The following ACTN2 variants were observed in gnomAD, a reference collection of about 807,000 sequenced individuals.
The protein encoded by ACTN2 is actinin alpha 2, also known as alpha-actinin-2.
ACTN2 carries 39 observed loss-of-function variants against 113.8 expected under a neutral mutation model. The ratio of observed to expected loss-of-function variants is 0.34; its 90% CI spans 0.27 to 0.45. ACTN2 has a LOEUF of 0.45. Among genes scored for constraint, ACTN2 ranks in the 20% least tolerant of loss-of-function variants. The pLI is 1.00. For missense variants in ACTN2, 992 were observed against 1,177.9 expected, an observed-to-expected ratio of 0.84 and a Z score of 2.31; for synonymous variants, 429 against 444.1, an observed-to-expected ratio of 0.97 and a Z score of 0.43.
chr1:236,707,997 C>G (rs998034397), intron 1 of ACTN2, among the ~76,000 whole-genome samples: 2 of 151,984 alleles, frequency 1.3e-5, no homozygotes, highest in African/African-American at 4.8e-5. Flanking sequence ...AGGTGTGAGC[C>G]ACCGCACTTG....
rs149269755 is a variant in ACTN2, at chr1:236,754,217, C to T, written c.1974+136C>T. On this transcript the variant is annotated intron_variant, in intron 16 of 20. Transcript: ENST00000366578. This position sits in a 1 kb window ranked among gnomAD's most constrained non-coding sequence, Gnocchi z 4.9. ...TGGGAGCACCGTTCTGTTATCACCC[C>T]GGCTTTATCTTTCAGCCCCTGGCTG... The T allele has an allele frequency of 0.019, 22,370 of 1,200,632 alleles. 262 individuals carry two copies. The highest frequency in any genetic ancestry group is 0.051 in the Middle Eastern group (190 of 3,698). The allele number at this position is 1,200,632 out of a possible 1,614,324, so 74.4% of individuals were successfully genotyped here. A position where few individuals can be genotyped will look rare whatever the true frequency, so the allele number is the denominator to read the frequency against.
At chr1:236,716,834 C>CCTT (rs1289656929) in intron 1 of ACTN2, among the ~76,000 whole-genome samples, 2 of 26,548 alleles carry the variant, frequency 7.5e-5, no homozygotes, top group African/African-American at 1.3e-4. Context: ...ACATTTTGAA[C>CCTT]ATTTTTTTTT....
intron 11 of ACTN2, among the ~76,000 whole-genome samples, chr1:236,743,379 G>A (rs1659130966): frequency 6.6e-6 from 1 of 152,122 alleles, no homozygotes; most frequent in Non-Finnish European, 1.5e-5. Flanking sequence ...ATAGCCCTGG[G>A]CCAACCACTA....
At chr1:236,734,784 A>C (rs1284661843) in intron 7 of ACTN2, among the ~76,000 whole-genome samples, 1 of 152,170 alleles carries the variant, frequency 6.6e-6, no homozygotes, top group African/African-American at 2.4e-5. Flanking sequence ...CTGCAAACCC[A>C]ATGACTAGGT....
rs1372348469 is a variant in ACTN2 at position 236,727,766 on chromosome 1, G to A, written c.615+10G>A. The A allele has an allele frequency of 1.9e-6, 3 of 1,613,886 alleles. No homozygotes were observed. Among genetic ancestry groups the A allele is most frequent in the Admixed American group, 1.7e-5 (1 of 59,984 alleles). On this transcript the variant is annotated intron_variant, in intron 6 of 20. Transcript: ENST00000366578. ...CTCAAAGCTTAACAAGGTTATTCTG[G>A]GTGGCCTGGCATGCAGTGTCCCCAG...
intron 20 of ACTN2, 95 bp downstream of exon 20, chr1:236,761,268 T>C: frequency 6.9e-7 from 1 of 1,450,230 alleles, no homozygotes; most frequent in Non-Finnish European, 9.6e-7. Flanking sequence ...ACCATTTTTA[T>C]GCCGGTGTAT....
chr1:236,735,742 G>T (rs2288600), intron 8 of ACTN2, 22 bp downstream of exon 8: 2 of 1,606,184 alleles, frequency 1.2e-6, no homozygotes. Context: ...TTGTCCGTCC[G>T]GGCTGTTGTG....
rs761887611 is a variant in ACTN2, at chr1:236,739,255, G to A, written c.877-47G>A. ...TCATTTTTTTTTTTTAACTGGGGGA[G>A]GGGGCTTGCTGGTGTCTTCAGCAGT... On this transcript the variant is annotated intron_variant, in intron 9 of 20. Coordinates refer to ENST00000366578, the MANE Select transcript of ACTN2 (RefSeq NM_001103.4). 5 of 1,581,252 alleles carry A rather than the reference G, an allele frequency of 3.2e-6. No homozygotes were observed. In the Admixed American group the frequency reaches 8.3e-5, roughly 26 times the overall value.
At chr1:236,741,510 T>C (rs1659066162) in intron 10 of ACTN2, among the ~76,000 whole-genome samples, 2 of 152,202 alleles carry the variant, frequency 1.3e-5, no homozygotes, top group Admixed American at 6.5e-5. Context: ...CCTAGTAAAT[T>C]CTATCACTGT....
chr1:236,702,974 C>T (rs889340128), intron 1 of ACTN2, among the ~76,000 whole-genome samples: 16 of 152,152 alleles, frequency 1.1e-4, no homozygotes, highest in Admixed American at 2.0e-4. Context: ...ATTTATTTTG[C>T]TGTCTGTGTA....
chr1:236,718,441 G>T (rs1199906237), intron 2 of ACTN2, among the ~76,000 whole-genome samples: 1 of 152,226 alleles, frequency 6.6e-6, no homozygotes, highest in Non-Finnish European at 1.5e-5. Context: ...CTTTGGAGAA[G>T]TGTGACTGGG....
At chr1:236,759,919 AT>A (rs1558251487) in intron 19 of ACTN2, 130 bp downstream of exon 19, 1 of 828,542 alleles carries the variant, frequency 1.2e-6, no homozygotes, top group Non-Finnish European at 2.0e-6. Context: ...ATAGGATAAT[AT>A]TTTTTGAAGG....
chr1:236,754,058 C>G lies in ACTN2; in HGVS notation c.1951C>G (p.Pro651Ala), dbSNP rs1416165135. Residue 651 changes from proline (P) to alanine (A), a missense_variant, in exon 16 of 21, where the codon CCC becomes GCC. Transcript: ENST00000366578. The surrounding 1 kb of genome is among the most constrained non-coding windows in gnomAD (Gnocchi z 4.9). ...QFAAQANAIG[P>A]WIQNKMEEIA... Reference sequence around the variant, plus strand: ...TGCTGCCCAAGCCAATGCCATTGGGCCCTGGATCCAGAACAAGATGGAGGT... The same window carrying G: ...TGCTGCCCAAGCCAATGCCATTGGGGCCTGGATCCAGAACAAGATGGAGGT... The G allele has an allele frequency of 6.2e-7, 1 of 1,614,090 alleles. No homozygotes were observed. The highest frequency in any genetic ancestry group is 1.1e-5 in the South Asian group (1 of 91,084).
Position 236,735,678 on chromosome 1 carries a change from G to A in ACTN2, c.741G>A (p.Thr247=), listed in dbSNP as rs777426844. 6 of 1,614,046 alleles carry A rather than the reference G, an allele frequency of 3.7e-6. No individual in the cohort carries two copies. Among genetic ancestry groups the A allele is most frequent in the Middle Eastern group, 3.3e-4 (2 of 6,084 alleles). Residue 247 remains threonine, a synonymous_variant, in exon 8 of 21, where the codon ACG becomes ACA. Coordinates refer to ENST00000366578, the MANE Select transcript of ACTN2 (RefSeq NM_001103.4). ...AACCCGATGAAAGAGCCATCATGACGTACGTCTCTTGCTTCTACCACGCTT... is the reference window on the plus strand; with the variant it reads ...AACCCGATGAAAGAGCCATCATGACATACGTCTCTTGCTTCTACCACGCTT... ...TPKPDERAIM[T]YVSCFYHAFA...
chr1:236,748,105 C>T (rs1009957018), intron 13 of ACTN2: 16 of 321,324 alleles, frequency 5.0e-5, no homozygotes, highest in Admixed American at 1.4e-4. Context: ...GTGAGTGAGT[C>T]GGGAAATCAG....
At chr1:236,753,405 G>A (rs1659459528) in intron 15 of ACTN2, among the ~76,000 whole-genome samples, 1 of 152,142 alleles carries the variant, frequency 6.6e-6, no homozygotes, top group African/African-American at 2.4e-5. Context: ...TGTTGCAAGA[G>A]GCAGGCATAA....
intron 7 of ACTN2, chr1:236,734,513 CAGA>C: frequency 6.5e-7 from 1 of 1,533,490 alleles, no homozygotes; most frequent in Non-Finnish European, 8.7e-7. Flanking sequence ...TGCTGGTGCA[CAGA>C]AGGTGAGGAT....
intron 4 of ACTN2, among the ~76,000 whole-genome samples, chr1:236,721,381 T>C (rs1171393664): frequency 1.3e-5 from 2 of 152,118 alleles, no homozygotes; most frequent in Non-Finnish European, 2.9e-5. Context: ...CTTTGCCTAC[T>C]TGTACCAGCT....
At chr1:236,751,371 A>G (rs1659388905) in intron 14 of ACTN2, 99 bp from the exon 15 acceptor site, 4 of 1,406,222 alleles carry the variant, frequency 2.8e-6, no homozygotes, top group Non-Finnish European at 3.9e-6. Flanking sequence ...GACTCTTGCA[A>G]TCATCAAGGC....
Sources: gnomAD v4.1 joint callset for allele counts (sites outside exome capture counted in the v4.1 genomes callset) on GRCh38, gnomAD v4.1.1 for gene constraint, Gnocchi (gnomAD v3.1) non-coding constraint, MANE v1.5 for transcripts, NCBI Gene and HGNC (gene_info 2026-07-23, HGNC 2026-07-21) for gene names.